DPP6: variants seen among roughly 807,000 people sequenced by gnomAD.
DPP6 encodes the protein dipeptidyl peptidase like 6, also known as A-type potassium channel modulatory protein DPP6.
A neutral mutation model predicts 122.6 loss-of-function variants in DPP6; 69 were observed. The observed-to-expected ratio is 0.56, with a 90% CI of 0.46 to 0.69. The LOEUF is 0.69. Among genes scored for constraint, DPP6 ranks in the 30% least tolerant of loss-of-function variants. The probability of loss-of-function intolerance (pLI) is 0.00; values close to 1 mark genes in which losing one functional copy is unlikely to be tolerated. For synonymous variants in DPP6, 418 were observed against 433.1 expected (o/e 0.97, Z 0.43); for missense variants, 928 against 1,116.9 (o/e 0.83, Z 2.41).
chr7:154,540,368 TAAG>T (rs1318506675), intron 3 of DPP6, among the ~76,000 whole-genome samples, 161 bp from the exon 4 acceptor site: 3 of 152,296 alleles, frequency 2.0e-5, no homozygotes, highest in African/African-American at 7.2e-5. Flanking sequence ...GAGGCTGGAT[TAAG>T]AAGAGCTGGG....
intron 5 of DPP6, among the ~76,000 whole-genome samples, chr7:154,571,286 T>C (rs546222797): frequency 3.9e-5 from 6 of 152,286 alleles, no homozygotes; most frequent in African/African-American, 1.4e-4. Flanking sequence ...TTTCCAAATC[T>C]CTTTGGGGAG....
intron 5 of DPP6, among the ~76,000 whole-genome samples, chr7:154,613,305 G>A (rs1834022022): frequency 6.6e-6 from 1 of 152,122 alleles, no homozygotes; most frequent in Non-Finnish European, 1.5e-5. Flanking sequence ...GTTAAGGGTT[G>A]CAGATGCTGT....
chr7:154,098,923 C>T (rs1054252287), intron 1 of DPP6, among the ~76,000 whole-genome samples: 7 of 152,212 alleles, frequency 4.6e-5, no homozygotes, highest in African/African-American at 1.7e-4. Context: ...AAAATGTCTA[C>T]ACTTTAAAAG....
intron 1 of DPP6, among the ~76,000 whole-genome samples, chr7:154,043,393 CAAAAAAAAAAAAAAAAAAAAAAAA>C (rs58641655): frequency 0.014 from 82 of 5,858 alleles, no homozygotes; most frequent in South Asian, 0.037. Flanking sequence ...AACTCCATCT[CAAAAAAAAAAAAAAAAAAAAAAAA>C]AAAAAAAAAA....
chr7:154,459,268 G>A (rs931021012), intron 2 of DPP6, among the ~76,000 whole-genome samples: 1 of 152,128 alleles, frequency 6.6e-6, no homozygotes, highest in African/African-American at 2.4e-5. Context: ...AGGTATTTTG[G>A]GTTTAGCATG....
At chr7:154,479,065 G>A (rs1823004592) in intron 3 of DPP6, among the ~76,000 whole-genome samples, 1 of 152,192 alleles carries the variant, frequency 6.6e-6, no homozygotes, top group South Asian at 2.1e-4. Context: ...TATTTATCAG[G>A]AGGAAATGTG....
At chr7:154,104,172 C>T (rs891820466) in intron 1 of DPP6, among the ~76,000 whole-genome samples, 2 of 152,208 alleles carry the variant, frequency 1.3e-5, no homozygotes, top group Non-Finnish European at 2.9e-5. Flanking sequence ...CGTGGCCTTG[C>T]CTTTCTGGAA....
the DPP6 span, among the ~76,000 whole-genome samples, chr7:153,758,305 C>T: frequency 2.6e-5 from 4 of 152,212 alleles, no homozygotes; most frequent in Admixed American, 2.6e-4. Context: ...ATTATTACCT[C>T]TTTTGTTCTT....
intron 8 of DPP6, among the ~76,000 whole-genome samples, chr7:154,759,281 G>A (rs148951434): frequency 3.9e-4 from 59 of 152,304 alleles, no homozygotes; most frequent in African/African-American, 1.3e-3. Context: ...TATCCTCCCC[G>A]AAGAGGAGCC....
At chr7:153,944,663 G>GTTTTTTTTTT (rs769081715) in intron 1 of DPP6, among the ~76,000 whole-genome samples, 1 of 103,952 alleles carries the variant, frequency 9.6e-6, no homozygotes, top group Non-Finnish European at 2.0e-5. Flanking sequence ...TTTTTGTGTG[G>GTTTTTTTTTT]GTTTTTTTTT....
In DPP6 at chr7:154,344,355, C is replaced by A. The variant is rs565003014; in HGVS notation, c.244-101859C>A. 2.6e-5 allele frequency among the ~76,000 whole-genome samples: 4 copies of A among 152,268 alleles called. No individual in the cohort carries two copies. The East Asian group carries it at 7.7e-4, about 29-fold the overall frequency. ...CTCATCAGAGAAATGCAAATCAAAACTGCAATGAGGTATCATCTCACCCCA... is the reference window on the plus strand; with the variant it reads ...CTCATCAGAGAAATGCAAATCAAAAATGCAATGAGGTATCATCTCACCCCA... On this transcript the variant is annotated intron_variant, in intron 1 of 25. Transcript: ENST00000377770.
At chr7:153,830,542 G>A in the DPP6 span, among the ~76,000 whole-genome samples, 3 of 152,130 alleles carry the variant, frequency 2.0e-5, no homozygotes, top group African/African-American at 7.2e-5. Context: ...ACCCACAAAG[G>A]GGTCCACAGA....
chr7:154,740,132 C>G (rs187999196), intron 8 of DPP6, among the ~76,000 whole-genome samples: 1 of 152,146 alleles, frequency 6.6e-6, no homozygotes, highest in Non-Finnish European at 1.5e-5. Context: ...CCTGAGAGAT[C>G]GTGACAAATA....
At chr7:154,471,805 A>G (rs1416634217) in intron 2 of DPP6, among the ~76,000 whole-genome samples, 1 of 152,206 alleles carries the variant, frequency 6.6e-6, no homozygotes, top group Non-Finnish European at 1.5e-5. Context: ...TAGATTTTTG[A>G]AATAACTATC....
At chr7:153,944,664 GTTTTTTT>G (rs139824215) in intron 1 of DPP6, among the ~76,000 whole-genome samples, 2 of 106,982 alleles carry the variant, frequency 1.9e-5, no homozygotes, top group Admixed American at 1.1e-4. Context: ...TTTTGTGTGG[GTTTTTTT>G]TTTTTTTTTT....
intron 10 of DPP6, among the ~76,000 whole-genome samples, chr7:154,782,634 C>T (rs1026632509): frequency 6.6e-6 from 1 of 152,028 alleles, no homozygotes; most frequent in African/African-American, 2.4e-5. Flanking sequence ...GACAGAGGAT[C>T]GCTCGTCTCC....
At chr7:153,835,298 GTC>G in the DPP6 span, among the ~76,000 whole-genome samples, 1 of 151,960 alleles carries the variant, frequency 6.6e-6, no homozygotes, top group Non-Finnish European at 1.5e-5. Context: ...AATAAAGGCT[GTC>G]TTCCTGGTGT....
chr7:154,053,110 G>A (rs1420422030), intron 1 of DPP6, 47 bp downstream of exon 1: 169 of 1,059,252 alleles, frequency 1.6e-4, no homozygotes, highest in Non-Finnish European at 1.9e-4. Context: ...TCTCCGGGCT[G>A]AGCGCGCAGC....
intron 1 of DPP6, among the ~76,000 whole-genome samples, chr7:153,983,336 G>T (rs1796684885): frequency 6.6e-6 from 1 of 152,226 alleles, no homozygotes; most frequent in Non-Finnish European, 1.5e-5. Flanking sequence ...CTGTGGCTTT[G>T]TTTACACTGT....
Sources: allele counts gnomAD v4.1 joint callset (sites outside exome capture counted in the v4.1 genomes callset), GRCh38; gene constraint gnomAD v4.1.1; transcripts MANE v1.5; gene names NCBI Gene and HGNC (gene_info 2026-07-23, HGNC 2026-07-21).